ANXA4: variants seen among roughly 807,000 people sequenced by gnomAD.
The protein encoded by ANXA4 is annexin A4.
In ANXA4, 39 loss-of-function variants were observed where a neutral mutation model predicts 49.8. The observed-to-expected ratio is 0.78, with a 90% CI of 0.61 to 1.02. The LOEUF (loss-of-function observed/expected upper bound fraction) is 1.02. ANXA4 is among the 50% of genes least tolerant of loss of function. The pLI is 0.00. For missense variants in ANXA4, 360 were observed against 410.1 expected, an observed-to-expected ratio of 0.88 and a Z score of 1.05; for synonymous variants, 134 against 152.5, an observed-to-expected ratio of 0.88 and a Z score of 0.89.
chr2:69,780,387 G>A (rs1463730609), intron 1 of ANXA4, among the ~76,000 whole-genome samples: 1 of 152,098 alleles, frequency 6.6e-6, no homozygotes, highest in African/African-American at 2.4e-5. Context: ...GTAGAGATGG[G>A]GTTTCACCAT....
intron 1 of ANXA4, among the ~76,000 whole-genome samples, chr2:69,756,206 T>G (rs1392415499): frequency 6.6e-6 from 1 of 152,206 alleles, no homozygotes; most frequent in Non-Finnish European, 1.5e-5. Context: ...AAAACACCAG[T>G]CACTTGGAAG....
At chr2:69,763,057 C>T (rs1018288950) in intron 1 of ANXA4, among the ~76,000 whole-genome samples, 2 of 152,182 alleles carry the variant, frequency 1.3e-5, no homozygotes, top group Non-Finnish European at 2.9e-5. Flanking sequence ...AAACTGGGAG[C>T]GGCTGCTGCA....
intron 7 of ANXA4, 21 bp from the exon 8 acceptor site, chr2:69,812,632 A>G (rs771656774): frequency 1.9e-6 from 3 of 1,608,086 alleles, no homozygotes; most frequent in African/African-American, 2.7e-5. Flanking sequence ...ATTATTTTTT[A>G]TTTGTTTTTC....
At chr2:69,664,165 A>C (rs867160232) in intron 2 of ANXA4, among the ~76,000 whole-genome samples, 44 of 152,360 alleles carry the variant, frequency 2.9e-4, no homozygotes, top group African/African-American at 1.1e-3. Context: ...AGGGAAAATA[A>C]CTTCCAACAT....
At chr2:69,712,440 C>G (rs1305679840) in intron 2 of ANXA4, among the ~76,000 whole-genome samples, 1 of 152,152 alleles carries the variant, frequency 6.6e-6, no homozygotes, top group Non-Finnish European at 1.5e-5. Flanking sequence ...CTATTAGGAC[C>G]TGGGCCAAGG....
intron 8 of ANXA4, chr2:69,814,791 TGTGA>T (rs774413758): frequency 0.032 from 2,265 of 70,404 alleles, 42 homozygotes; most frequent in East Asian, 0.11. Context: ...TGTGTGTGTG[TGTGA>T]GAGAAAGAGA....
At chr2:69,717,734 A>T (rs562477096) in intron 2 of ANXA4, among the ~76,000 whole-genome samples, 1 of 152,272 alleles carries the variant, frequency 6.6e-6, no homozygotes, top group East Asian at 1.9e-4. Flanking sequence ...TCTGCAGCAG[A>T]TGCCCTGAGC....
chr2:69,767,621 G>C (rs979525106), intron 1 of ANXA4, among the ~76,000 whole-genome samples: 2 of 152,192 alleles, frequency 1.3e-5, no homozygotes, highest in Non-Finnish European at 2.9e-5. Flanking sequence ...AGAGCGTGTG[G>C]GGATTAGAAA....
At chr2:69,691,052 G>C (rs1296074260) in intron 2 of ANXA4, among the ~76,000 whole-genome samples, 1 of 151,798 alleles carries the variant, frequency 6.6e-6, no homozygotes, top group East Asian at 1.9e-4. Context: ...GTGGGTAGCA[G>C]AAATATCAAG....
upstream of ANXA4, among the ~76,000 whole-genome samples, chr2:69,738,128 A>T (rs1362090222): frequency 6.6e-6 from 1 of 152,180 alleles, no homozygotes; most frequent in African/African-American, 2.4e-5. Context: ...CTGAAAATCA[A>T]ATCTAACTAA....
chr2:69,773,640 T>G (rs1273198309), intron 1 of ANXA4, among the ~76,000 whole-genome samples: 15 of 140,090 alleles, frequency 1.1e-4, no homozygotes, highest in Admixed American at 2.1e-4. Flanking sequence ...TTTTTTTTTT[T>G]TTTTTGTTTT....
chr2:69,784,864 G>C lies in ANXA4; in HGVS notation c.10-3190G>C, dbSNP rs74687932. Among the ~76,000 whole-genome samples the C allele has an allele frequency of 4.8e-3, 731 of 152,266 alleles. 4 individuals are homozygous for C. Among genetic ancestry groups the C allele is most frequent in the African/African-American group, 0.016 (681 of 41,552 alleles). ...CTTTGTCATACGGTGCTCACCCCTT[G>C]TATGTCTCTGTCTTCTCATATCCAC... On this transcript the variant is annotated intron_variant, in intron 2 of 12. Transcript: ENST00000394295.
intron 1 of ANXA4, among the ~76,000 whole-genome samples, chr2:69,777,731 TCTC>T (rs530520075): frequency 2.0e-5 from 3 of 152,178 alleles, no homozygotes; most frequent in Admixed American, 6.6e-5. Context: ...CTGAAAGAGT[TCTC>T]CTTCAGAATT....
intron 2 of ANXA4, among the ~76,000 whole-genome samples, chr2:69,706,054 A>T (rs552388272): frequency 6.6e-6 from 1 of 152,060 alleles, no homozygotes; most frequent in African/African-American, 2.4e-5. Context: ...ACAAAAAAAG[A>T]AAAAGCATAA....
chr2:69,825,345 T>A (rs1674428994), intron 12 of ANXA4, 111 bp from the exon 13 acceptor site: 7 of 821,908 alleles, frequency 8.5e-6, no homozygotes, highest in Non-Finnish European at 1.4e-5. Context: ...ACAAAAAAAA[T>A]TTAAAGCTAA....
chr2:69,734,742 C>G (rs35424503), intron 3 of ANXA4, among the ~76,000 whole-genome samples: 33,474 of 150,900 alleles, frequency 0.22, 4,171 homozygotes, highest in South Asian at 0.31. Context: ...ATCTTCCAGC[C>G]GGGTGCAGTG....
At chr2:69,798,934 G>C (rs1673065326) in intron 3 of ANXA4, among the ~76,000 whole-genome samples, 1 of 152,190 alleles carries the variant, frequency 6.6e-6, no homozygotes, top group South Asian at 2.1e-4. Flanking sequence ...GTTTGGAGCA[G>C]GAGTTTAATA....
At chr2:69,739,157 C>T (rs2013427), upstream of ANXA4, among the ~76,000 whole-genome samples, 72,135 of 151,910 alleles carry the variant, frequency 0.47, 17,701 homozygotes, top group East Asian at 0.7. Context: ...AGAAATCGTC[C>T]TGGGTTTAGT....
intron 2 of ANXA4, among the ~76,000 whole-genome samples, chr2:69,660,314 T>C (rs893446756): frequency 6.6e-6 from 1 of 152,112 alleles, no homozygotes; most frequent in African/African-American, 2.4e-5. Context: ...CTAGAGGCAC[T>C]TACAGGAGCA....
Sources: gnomAD v4.1 joint callset for allele counts (sites outside exome capture counted in the v4.1 genomes callset) on GRCh38, gnomAD v4.1.1 for gene constraint, MANE v1.5 for transcripts, NCBI Gene and HGNC (gene_info 2026-07-23, HGNC 2026-07-21) for gene names.